Variants in SPATA13 observed in about 807,000 individuals in gnomAD.
SPATA13 encodes the protein spermatogenesis associated 13.
SPATA13 carries 50 observed loss-of-function variants against 104.0 expected under a neutral mutation model. That is an observed-to-expected ratio of 0.48 (90% confidence interval 0.38 to 0.61). The LOEUF (loss-of-function observed/expected upper bound fraction) is 0.61. Ranked by LOEUF, SPATA13 falls within the 20% of genes least tolerant of loss-of-function variation. The pLI is 0.00. For missense variants in SPATA13, 1,524 were observed against 1,690.6 expected, an observed-to-expected ratio of 0.90 and a Z score of 1.73; for synonymous variants, 606 against 667.5, an observed-to-expected ratio of 0.91 and a Z score of 1.42.
chr13:24,220,765 G>C (rs1242761847), intron 1 of SPATA13, among the ~76,000 whole-genome samples: 1 of 152,160 alleles, frequency 6.6e-6, no homozygotes, highest in East Asian at 1.9e-4. Context: ...CTTGTCCCGG[G>C]TGGAATCAAC....
At chr13:24,271,031 T>TCTCTCTCA in intron 4 of SPATA13, 3 of 718,802 alleles carry the variant, frequency 4.2e-6, no homozygotes, top group Admixed American at 2.1e-5. Flanking sequence ...ACTCTCTCTC[T>TCTCTCTCA]CTCTCTCTCA....
At chr13:24,252,055 G>T (rs564357965) in intron 4 of SPATA13, among the ~76,000 whole-genome samples, 193 bp downstream of exon 4, 2 of 152,302 alleles carry the variant, frequency 1.3e-5, no homozygotes, top group African/African-American at 4.8e-5. Flanking sequence ...TGTGTGCCAG[G>T]CTGGTGGCTC....
At chr13:24,288,903 C>A in intron 7 of SPATA13, 96 bp from the exon 8 acceptor site, 1 of 1,088,640 alleles carries the variant, frequency 9.2e-7, no homozygotes, top group Non-Finnish European at 1.3e-6. Context: ...AATTAAAATT[C>A]ATTCCAAGTT....
At chr13:24,252,171 G>A (rs569079493) in intron 4 of SPATA13, among the ~76,000 whole-genome samples, 2 of 152,214 alleles carry the variant, frequency 1.3e-5, no homozygotes, top group Admixed American at 6.5e-5. Context: ...AGATCAACAC[G>A]TCAGCAGGGT....
Position 24,273,982 on chromosome 13 carries a change from G to A in SPATA13, c.2165-10153G>A, listed in dbSNP as rs553489948. ...TGAGATTACAGGCATGAGCCACTGCGCCCGGCCAATGGTTAAACTTTTGAG... is the reference window on the plus strand; with the variant it reads ...TGAGATTACAGGCATGAGCCACTGCACCCGGCCAATGGTTAAACTTTTGAG... On this transcript the variant is annotated intron_variant, in intron 4 of 12. Transcript: ENST00000382108. Among the ~76,000 whole-genome samples the A allele has an allele frequency of 2.4e-4, 37 of 152,282 alleles. 1 individual carries two copies. In the South Asian group the frequency reaches 3.1e-3, roughly 13 times the overall value.
At position 24,138,316 on chromosome 13, in the gene SPATA13, A is replaced by ACC. The variant is rs565212350; in HGVS notation, c.-111-84503_-111-84502insCC. ...GCAAGACTCCGTCTGAAAAAAAAAA[A>ACC]AAAAACAGTTTTACTGAATTAGTAT... On this transcript the variant is annotated intron_variant, in intron 3 of 14. Coordinates refer to the SPATA13 transcript ENST00000424834. 4.0e-4 allele frequency among the ~76,000 whole-genome samples: 4 copies of ACC among 9,914 alleles called. No individual in the cohort carries two copies. In the South Asian group the frequency reaches 0.023, roughly 56 times the overall value. 6.5% of individuals were successfully genotyped at this position (9,914 alleles called of 152,430 possible). A position where few individuals can be genotyped will look rare whatever the true frequency, so the allele number is the denominator to read the frequency against.
rs576449469 is a variant in SPATA13, at chr13:24,166,463, G to C, written c.-112+5531G>C. 2.6e-5 allele frequency among the ~76,000 whole-genome samples: 4 copies of C among 152,296 alleles called. No individual in the cohort carries two copies. In the East Asian group the frequency reaches 5.8e-4, roughly 22 times the overall value. On this transcript the variant is annotated intron_variant, in intron 1 of 12. Coordinates refer to ENST00000382108, the MANE Select transcript of SPATA13 (RefSeq NM_001166271.3). ...AAACCTTCTAGCCCTGGGGGACGGC[G>C]TAAACAGAGGTGAGGAGATGGGCTC... is the stretch of plus-strand genomic sequence containing the variant.
At chr13:24,276,572 G>T (rs7995793) in intron 4 of SPATA13, among the ~76,000 whole-genome samples, 16,654 of 152,256 alleles carry the variant, frequency 0.11, 1,631 homozygotes, top group African/African-American at 0.26. Flanking sequence ...TGTCGTACAA[G>T]AGTGTGAATA....
intron 2 of SPATA13, among the ~76,000 whole-genome samples, chr13:24,227,874 AATTCTTATATAGCAC>A (rs1412354143): frequency 6.6e-6 from 1 of 151,338 alleles, no homozygotes; most frequent in Non-Finnish European, 1.5e-5. Context: ...CCGGCCTCAG[AATTCTTATATAGCAC>A]ATCAGGCTTC....
chr13:24,303,465 T>TC lies in SPATA13; in HGVS notation c.*694dup, dbSNP rs1188814779. 3 of 160,504 alleles carry TC rather than the reference T, an allele frequency of 1.9e-5. No homozygotes were observed. The highest frequency in any genetic ancestry group is 7.2e-5 in the African/African-American group (3 of 41,654). The allele number at this position is 160,504 out of a possible 1,614,324, so 9.9% of individuals were successfully genotyped here. A position where few individuals can be genotyped will look rare whatever the true frequency, so the allele number is the denominator to read the frequency against. On this transcript the variant is annotated 3_prime_UTR_variant, in exon 13 of 13. Transcript: ENST00000382108. ...TCCTCAGTGCAGAGCAACTTACGCA[T>TC]CCTCAAGAATCCACTGCTTTTCAGG...
At chr13:24,183,177 C>G (rs557236086) in intron 1 of SPATA13, among the ~76,000 whole-genome samples, 1 of 152,186 alleles carries the variant, frequency 6.6e-6, no homozygotes, top group Non-Finnish European at 1.5e-5. Context: ...ATCTAATTTT[C>G]TTTTGTTTGC....
intron 3 of SPATA13, among the ~76,000 whole-genome samples, chr13:24,140,881 A>T (rs941731689): frequency 1.3e-5 from 2 of 152,348 alleles, no homozygotes; most frequent in Non-Finnish European, 2.9e-5. Flanking sequence ...AGAATATTTT[A>T]AAAATTAAGC....
In SPATA13 at chr13:24,222,865, A is replaced by G; in HGVS notation, c.-65A>G. 6.5e-7 allele frequency: 1 copy of G among 1,542,596 alleles called. No homozygotes were observed. Among genetic ancestry groups the G allele is most frequent in the Non-Finnish European group, 8.8e-7 (1 of 1,141,552 alleles). ...GATGTGCAAGGCAGGTGTGAGTGCC[A>G]GGACGGCATTCCTGGAGATGAAGGC... On this transcript the variant is annotated 5_prime_UTR_variant, in exon 2 of 13. Coordinates refer to ENST00000382108, the MANE Select transcript of SPATA13 (RefSeq NM_001166271.3).
At chr13:24,026,726 C>T (rs4769308) in intron 3 of SPATA13, among the ~76,000 whole-genome samples, 81,418 of 151,794 alleles carry the variant, frequency 0.54, 21,996 homozygotes, top group Middle Eastern at 0.57. Flanking sequence ...TACAGGTGCC[C>T]GCCACCACGT....
At chr13:24,279,954 T>C (rs1875374116) in intron 4 of SPATA13, among the ~76,000 whole-genome samples, 1 of 152,376 alleles carries the variant, frequency 6.6e-6, no homozygotes, top group Non-Finnish European at 1.5e-5. Flanking sequence ...TCCATGATGT[T>C]GAAACAGTTG....
chr13:24,000,669 G>C (rs181696905), intron 2 of SPATA13, among the ~76,000 whole-genome samples: 32 of 152,364 alleles, frequency 2.1e-4, no homozygotes, highest in African/African-American at 7.7e-4. Context: ...TGGGGAAAGA[G>C]GCTTGTGTTC....
intron 3 of SPATA13, among the ~76,000 whole-genome samples, chr13:24,105,666 A>G (rs1483751010): frequency 6.6e-6 from 1 of 152,186 alleles, no homozygotes; most frequent in Non-Finnish European, 1.5e-5. Flanking sequence ...AGCACATAAA[A>G]GCTCTCTGTT....
intron 2 of SPATA13, among the ~76,000 whole-genome samples, chr13:24,016,982 T>C (rs1876744313): frequency 6.6e-6 from 1 of 152,146 alleles, no homozygotes; most frequent in African/African-American, 2.4e-5. Flanking sequence ...GAACACCAAG[T>C]GGGGCCTGAC....
At chr13:23,985,695 T>C (rs573554582) in intron 2 of SPATA13, among the ~76,000 whole-genome samples, 5 of 152,154 alleles carry the variant, frequency 3.3e-5, no homozygotes, top group Non-Finnish European at 7.3e-5. Context: ...TCATTATTGA[T>C]AGTAGTCGTA....
Sources: gnomAD v4.1 joint callset for allele counts (sites outside exome capture counted in the v4.1 genomes callset) on GRCh38, gnomAD v4.1.1 for gene constraint, MANE v1.5 for transcripts, NCBI Gene and HGNC (gene_info 2026-07-23, HGNC 2026-07-21) for gene names.